LRRC27: variants seen among roughly 807,000 people sequenced by gnomAD.
The protein encoded by LRRC27 is leucine-rich repeat-containing protein 27.
A neutral mutation model predicts 55.0 loss-of-function variants in LRRC27; 57 were observed. The observed-to-expected ratio is 1.04, with a 90% confidence interval of 0.84 to 1.29. The LOEUF (loss-of-function observed/expected upper bound fraction) is 1.29, where lower values mean the gene tolerates loss of function less well. Ranked by LOEUF, LRRC27 falls within the 50% of genes most tolerant of loss-of-function variation. The probability of loss-of-function intolerance (pLI) is 0.00; values close to 1 mark genes in which losing one functional copy is unlikely to be tolerated. For missense variants in LRRC27, 721 were observed against 651.5 expected (o/e 1.11, Z -1.16); for synonymous variants, 278 against 251.9 (o/e 1.10, Z -0.98).
At chr10:132,351,353 C>T in intron 6 of LRRC27, 1 of 438,190 alleles carries the variant, frequency 2.3e-6, no homozygotes, top group Non-Finnish European at 4.2e-6. Context: ...AGCCGACTGT[C>T]AAGCGTCCCG....
chr10:132,347,886 C>T, intron 5 of LRRC27, 98 bp from the exon 6 acceptor site: 1 of 1,446,768 alleles, frequency 6.9e-7, no homozygotes, highest in South Asian at 1.4e-5. Context: ...GATCTGGGCA[C>T]CCCACCCCCC....
intron 9 of LRRC27, among the ~76,000 whole-genome samples, chr10:132,364,497 C>CCACACTTACACTCATG (rs1564853743): frequency 3.1e-4 from 5 of 16,146 alleles, no homozygotes; most frequent in Non-Finnish European, 7.4e-4. Flanking sequence ...TTACACCCAC[C>CCACACTTACACTCATG]CTTACATCTA....
chr10:132,340,491 TC>T (rs1346945803), intron 3 of LRRC27, among the ~76,000 whole-genome samples: 1 of 152,142 alleles, frequency 6.6e-6, no homozygotes, highest in African/African-American at 2.4e-5. Flanking sequence ...GCTGCCCTCC[TC>T]AGCATCTGGA....
At position 132,372,255 on chromosome 10, in the gene LRRC27, AAACC is replaced by A. The variant is rs1332789080; in HGVS notation, c.1417-2805_1417-2802del. On this transcript the variant is annotated intron_variant, in intron 10 of 10. Transcript: ENST00000368614. This position sits in a 1 kb window ranked among gnomAD's most constrained non-coding sequence, Gnocchi z 4.0. Reference sequence around the variant, plus strand: ...CCCAGCTGAAAAGCACAGGAAGACAAAACCAACCACAGAAGGATGGGAAGTGGGG... The same window carrying A: ...CCCAGCTGAAAAGCACAGGAAGACAAAACCACAGAAGGATGGGAAGTGGGG... Among the ~76,000 whole-genome samples the A allele has an allele frequency of 6.8e-6, 1 of 146,864 alleles. No homozygotes were observed. Among genetic ancestry groups the A allele is most frequent in the African/African-American group, 2.6e-5 (1 of 38,932 alleles).
At chr10:132,342,358 A>T in intron 4 of LRRC27, 87 bp downstream of exon 4, 1 of 845,260 alleles carries the variant, frequency 1.2e-6, no homozygotes, top group Non-Finnish European at 1.8e-6. Context: ...GGCATGACAA[A>T]GGAGGGTAAG....
At position 132,347,857 on chromosome 10, in the gene LRRC27, G is replaced by A. The variant is rs1235976135; in HGVS notation, c.554-127G>A. On this transcript the variant is annotated intron_variant, in intron 5 of 10. Coordinates refer to ENST00000368614, the MANE Select transcript of LRRC27 (RefSeq NM_030626.3). ...GACGGGAATTGTTTGGATTGACAGG[G>A]AACGTGGCAGCCATGGAGGATCTGG... is the stretch of plus-strand genomic sequence containing the variant. 25 of 1,175,262 alleles carry A rather than the reference G, an allele frequency of 2.1e-5. No individual in the cohort carries two copies. In the East Asian group the frequency reaches 5.9e-4, roughly 28 times the overall value. 72.8% of individuals were successfully genotyped at this position (1,175,262 alleles called of 1,614,324 possible). A position where few individuals can be genotyped will look rare whatever the true frequency, so the allele number is the denominator to read the frequency against.
At position 132,363,180 on chromosome 10, in the gene LRRC27, A is replaced by G. The variant is rs2068726001; in HGVS notation, c.1289+1605A>G. ...GGGGCCAGGGTTCATGAACCCTCTC[A>G]CCTCACAGCTGCTCGGGGGTCCGGG... On this transcript the variant is annotated intron_variant, in intron 9 of 10. Transcript: ENST00000368614. 2.5e-5 allele frequency among the ~76,000 whole-genome samples: 3 copies of G among 117,884 alleles called. No homozygotes were observed. The South Asian group carries it at 8.5e-4, about 33-fold the overall frequency. The allele number at this position is 117,884 out of a possible 152,430, so 77.3% of individuals were successfully genotyped here. A position where few individuals can be genotyped will look rare whatever the true frequency, so the allele number is the denominator to read the frequency against.
At position 132,375,662 on chromosome 10, in the gene LRRC27, C is replaced by T. The variant is rs921543271; in HGVS notation, c.*420C>T. ...AAGCCGGAAGTCCCTGCAGCACCAC[C>T]TTTGGCTAGGAGGGAGGGGTGACAG... is the stretch of plus-strand genomic sequence containing the variant. On this transcript the variant is annotated 3_prime_UTR_variant, in exon 11 of 11. Transcript: ENST00000368614. The T allele has an allele frequency of 6.4e-6, 1 of 156,076 alleles. No individual in the cohort carries two copies. Among genetic ancestry groups the T allele is most frequent in the Admixed American group, 6.4e-5 (1 of 15,520 alleles). The allele number at this position is 156,076 out of a possible 1,614,324, so 9.7% of individuals were successfully genotyped here.
At chr10:132,331,679 G>A (rs756909510), upstream of LRRC27, 38 of 1,612,684 alleles carry the variant, frequency 2.4e-5, no homozygotes, top group Non-Finnish European at 2.5e-5. Flanking sequence ...CTGCTCGGCT[G>A]TCCTCGAGCA....
intron 7 of LRRC27, among the ~76,000 whole-genome samples, chr10:132,352,421 C>T (rs867867795): frequency 1.5e-4 from 17 of 115,046 alleles, no homozygotes; most frequent in African/African-American, 4.8e-4. Flanking sequence ...CCGAGGCCTC[C>T]GTGTGGGGCA....
At chr10:132,373,551 C>T (rs1441736271) in intron 10 of LRRC27, among the ~76,000 whole-genome samples, 1 of 152,204 alleles carries the variant, frequency 6.6e-6, no homozygotes, top group Non-Finnish European at 1.5e-5. Flanking sequence ...GGATTCGGTA[C>T]TCCCATTGCA....
upstream of LRRC27, chr10:132,331,901 C>A: frequency 1.1e-6 from 1 of 911,790 alleles, no homozygotes; most frequent in South Asian, 1.8e-5. Context: ...GCCACCCCCG[C>A]GCAGGCGCAC....
At chr10:132,331,643 G>A (rs749225387), upstream of LRRC27, 6 of 1,612,742 alleles carry the variant, frequency 3.7e-6, no homozygotes, top group South Asian at 1.1e-5. Flanking sequence ...CCGCTCCAAA[G>A]GTGGTGCCTC....
intron 3 of LRRC27, 137 bp from the exon 4 acceptor site, chr10:132,342,076 C>G: frequency 1.7e-6 from 1 of 604,336 alleles, no homozygotes; most frequent in Non-Finnish European, 2.9e-6. Flanking sequence ...TTTGTGTGTA[C>G]ATGTTGTAAA....
At chr10:132,364,122 ATGCCCTGACCTGAGGGCTCTGTTC>A (rs2068786387) in intron 9 of LRRC27, among the ~76,000 whole-genome samples, 1 of 152,042 alleles carries the variant, frequency 6.6e-6, no homozygotes, top group Non-Finnish European at 1.5e-5. Flanking sequence ...GACACAGGGC[ATGCCCTGACCTGAGGGCTCTGTTC>A]TGTAGAACTC....
Position 132,348,520 on chromosome 10 carries a change from C to T in LRRC27, c.926+164C>T, listed in dbSNP as rs1457976215. On this transcript the variant is annotated intron_variant, in intron 6 of 10. Coordinates refer to ENST00000368614, the MANE Select transcript of LRRC27 (RefSeq NM_030626.3). This position sits in a 1 kb window ranked among gnomAD's most constrained non-coding sequence, Gnocchi z 4.2. Reference sequence around the variant, plus strand: ...TCCCAGGTTTAGGGTAACGGGGACCCGCATCAAGCCCGGAGCATCTGCGGC... The same window carrying T: ...TCCCAGGTTTAGGGTAACGGGGACCTGCATCAAGCCCGGAGCATCTGCGGC... Among the ~76,000 whole-genome samples, 3 of 152,172 alleles carry T rather than the reference C, an allele frequency of 2.0e-5. No homozygotes were observed. Among genetic ancestry groups the T allele is most frequent in the Non-Finnish European group, 2.9e-5 (2 of 68,036 alleles).
rs1174034254 is a variant in LRRC27, at chr10:132,377,698, T to A, written c.*2456T>A. 1.3e-5 allele frequency: 2 copies of A among 152,240 alleles called. No individual in the cohort carries two copies. Among genetic ancestry groups the A allele is most frequent in the Non-Finnish European group, 2.9e-5 (2 of 68,038 alleles). The allele number at this position is 152,240 out of a possible 1,614,324, so 9.4% of individuals were successfully genotyped here. A position where few individuals can be genotyped will look rare whatever the true frequency, so the allele number is the denominator to read the frequency against. On this transcript the variant is annotated 3_prime_UTR_variant, in exon 11 of 11. Transcript: ENST00000368614. ...TTTCATTTAGCTAAATAACTTTTTT[T>A]TAAGTATTTCTTTGTATCATGGTTA...
At chr10:132,331,838 G>T, upstream of LRRC27, 1 of 1,495,500 alleles carries the variant, frequency 6.7e-7, no homozygotes, top group South Asian at 1.2e-5. Flanking sequence ...CCGCGGGCGC[G>T]GAAAAACGGA....
upstream of LRRC27, among the ~76,000 whole-genome samples, chr10:132,331,200 CAAAAAAAAAAAA>C (rs35734065): frequency 5.3e-5 from 3 of 56,332 alleles, no homozygotes; most frequent in Admixed American, 2.4e-4. Flanking sequence ...GACTCCACCT[CAAAAAAAAAAAA>C]AAAAAAAAAA....
Sources: allele counts gnomAD v4.1 joint callset (sites outside exome capture counted in the v4.1 genomes callset), GRCh38; gene constraint gnomAD v4.1.1; non-coding constraint Gnocchi (gnomAD v3.1); transcripts MANE v1.5; gene names NCBI Gene and HGNC (gene_info 2026-07-23, HGNC 2026-07-21).